The following SERPINB7 variants were observed in gnomAD, a reference collection of about 807,000 sequenced individuals.
SERPINB7 encodes the protein serpin family B member 7.
A neutral mutation model predicts 37.4 loss-of-function variants in SERPINB7; 31 were observed. The ratio of observed to expected loss-of-function variants is 0.83; its 90% CI spans 0.62 to 1.12. The LOEUF (loss-of-function observed/expected upper bound fraction) is 1.12. SERPINB7 is among the 50% of genes most tolerant of loss of function. The probability of loss-of-function intolerance (pLI) is 0.00; values close to 1 mark genes in which losing one functional copy is unlikely to be tolerated. For synonymous variants in SERPINB7, 163 were observed against 166.1 expected (o/e 0.98, Z 0.14); for missense variants, 521 against 455.3 (o/e 1.14, Z -1.31).
At chr18:63,755,252 C>T (rs115461676) in intron 1 of SERPINB7, among the ~76,000 whole-genome samples, 140 of 152,176 alleles carry the variant, frequency 9.2e-4, no homozygotes, top group African/African-American at 3.2e-3. Context: ...TAGTTAGAGG[C>T]CTTTACTTTC....
intron 1 of SERPINB7, among the ~76,000 whole-genome samples, chr18:63,760,511 G>A (rs1043415424): frequency 1.3e-5 from 2 of 152,200 alleles, no homozygotes; most frequent in Non-Finnish European, 2.9e-5. Flanking sequence ...AAGTAGCAAG[G>A]AGCCTAATGT....
At chr18:63,753,497 C>G (rs2049103788) in intron 1 of SERPINB7, among the ~76,000 whole-genome samples, 1 of 152,206 alleles carries the variant, frequency 6.6e-6, no homozygotes, top group Non-Finnish European at 1.5e-5. Flanking sequence ...CATACACCAA[C>G]TATATCTACT....
At chr18:63,803,749 C>G (rs1037454128) in intron 7 of SERPINB7, among the ~76,000 whole-genome samples, 2 of 152,198 alleles carry the variant, frequency 1.3e-5, no homozygotes, top group Non-Finnish European at 2.9e-5. Flanking sequence ...TCACCCAAAC[C>G]TTTGAGGCTG....
At chr18:63,762,849 G>T (rs1453947913) in intron 1 of SERPINB7, among the ~76,000 whole-genome samples, 6 of 152,086 alleles carry the variant, frequency 3.9e-5, no homozygotes, top group African/African-American at 1.2e-4. Context: ...ACCACTATTT[G>T]ATCATAAAAC....
At chr18:63,758,067 C>G (rs1378784479) in intron 1 of SERPINB7, among the ~76,000 whole-genome samples, 4 of 152,132 alleles carry the variant, frequency 2.6e-5, no homozygotes, top group African/African-American at 9.7e-5. Flanking sequence ...CTCTCTGTGT[C>G]TCTCTCTCTA....
Position 63,785,910 on chromosome 18 carries a change from T to TAC in SERPINB7, c.168+3374_168+3375dup, listed in dbSNP as rs200164401. The stretch of plus-strand genomic sequence containing the variant: ...TATATATATATAATATACGTATATA[T>TAC]ACACATATATAATATACGTATATAT... On this transcript the variant is annotated intron_variant, in intron 2 of 7. Coordinates refer to ENST00000398019, the MANE Select transcript of SERPINB7 (RefSeq NM_003784.4). Among the ~76,000 whole-genome samples the TAC allele has an allele frequency of 1.6e-3, 165 of 100,560 alleles. 1 individual carries two copies. The highest frequency in any genetic ancestry group is 8.5e-3 in the African/African-American group (155 of 18,286). 66.0% of individuals were successfully genotyped at this position (100,560 alleles called of 152,430 possible). A position where few individuals can be genotyped will look rare whatever the true frequency, so the allele number is the denominator to read the frequency against.
intron 7 of SERPINB7, among the ~76,000 whole-genome samples, chr18:63,801,902 A>G (rs2049553679): frequency 6.6e-6 from 1 of 152,196 alleles, no homozygotes; most frequent in South Asian, 2.1e-4. Flanking sequence ...AATGTTTACT[A>G]TCTCTACATC....
chr18:63,770,884 CA>C (rs1259286636), upstream of SERPINB7, among the ~76,000 whole-genome samples: 4 of 151,440 alleles, frequency 2.6e-5, no homozygotes, highest in African/African-American at 9.7e-5. Context: ...CACACACACA[CA>C]CACACACACA....
chr18:63,782,188 G>A (rs1049906890), intron 1 of SERPINB7, among the ~76,000 whole-genome samples, 167 bp from the exon 2 acceptor site: 1 of 151,966 alleles, frequency 6.6e-6, no homozygotes, highest in African/African-American at 2.4e-5. Context: ...TAGTGACAAG[G>A]ATACTGGGCC....
chr18:63,757,528 G>A lies in SERPINB7; in HGVS notation c.-19+4408G>A, dbSNP rs200055627. Among the ~76,000 whole-genome samples the A allele has an allele frequency of 3.9e-5, 6 of 152,138 alleles. No individual in the cohort carries two copies. In the East Asian group the frequency reaches 1.2e-3, roughly 29 times the overall value. Reference sequence around the variant, plus strand: ...TTTAGGGTAGGGGTTGGCAAACTCTGGTCATTGGTCCAAAACTGGCTGGAC... The same window carrying A: ...TTTAGGGTAGGGGTTGGCAAACTCTAGTCATTGGTCCAAAACTGGCTGGAC... On this transcript the variant is annotated intron_variant, in intron 1 of 7. Coordinates refer to the SERPINB7 transcript ENST00000336429.
At chr18:63,793,064 T>C (rs2049445896) in intron 3 of SERPINB7, 97 bp from the exon 4 acceptor site, 2 of 551,376 alleles carry the variant, frequency 3.6e-6, no homozygotes, top group South Asian at 3.7e-5. Flanking sequence ...AAAAATTCTT[T>C]TATGGTATAA....
chr18:63,790,430 A>G (rs1390016225), intron 2 of SERPINB7, among the ~76,000 whole-genome samples: 1 of 152,174 alleles, frequency 6.6e-6, no homozygotes, highest in African/African-American at 2.4e-5. Context: ...GTTATTCTGT[A>G]TATACACTGC....
intron 1 of SERPINB7, among the ~76,000 whole-genome samples, chr18:63,766,468 C>A (rs181945229): frequency 1.1e-4 from 17 of 152,182 alleles, no homozygotes; most frequent in African/African-American, 4.1e-4. Context: ...GGTAAGCATT[C>A]AATAAATTGT....
At chr18:63,756,450 C>T (rs985352248) in intron 1 of SERPINB7, among the ~76,000 whole-genome samples, 6 of 152,162 alleles carry the variant, frequency 3.9e-5, no homozygotes, top group Admixed American at 2.0e-4. Flanking sequence ...GTTCCAGACT[C>T]ATGTGCAGGA....
upstream of SERPINB7, among the ~76,000 whole-genome samples, chr18:63,772,273 TA>T (rs1462450805): frequency 1.3e-5 from 2 of 152,074 alleles, no homozygotes; most frequent in Non-Finnish European, 2.9e-5. Flanking sequence ...GATATATATT[TA>T]CTTTCAAGGC....
chr18:63,775,724 C>T lies in SERPINB7; in HGVS notation c.-19+8C>T, dbSNP rs569156981. 8.1e-4 allele frequency: 123 copies of T among 152,236 alleles called. No homozygotes were observed. The highest frequency in any genetic ancestry group is 2.8e-3 in the African/African-American group (118 of 41,552). 9.4% of individuals were successfully genotyped at this position (152,236 alleles called of 1,614,324 possible). ...TGGGTATCAGATGCTAGCGTGAGTA[C>T]ACTGTTGATTTGCTTATCCAATTAT... On this transcript the variant is annotated splice_region_variant and intron_variant, in intron 1 of 7. Transcript: ENST00000398019.
chr18:63,802,399 C>A (rs2049559424), intron 7 of SERPINB7, among the ~76,000 whole-genome samples: 1 of 152,186 alleles, frequency 6.6e-6, no homozygotes, highest in South Asian at 2.1e-4. Context: ...CATCTCCCTT[C>A]TCTATTCTCT....
At chr18:63,795,760 T>G (rs192055934) in intron 4 of SERPINB7, among the ~76,000 whole-genome samples, 26 of 152,160 alleles carry the variant, frequency 1.7e-4, no homozygotes, top group African/African-American at 6.0e-4. Flanking sequence ...ACATGGCATT[T>G]TTGAGCAACT....
chr18:63,772,122 G>A (rs1324663538), upstream of SERPINB7, among the ~76,000 whole-genome samples: 2 of 151,976 alleles, frequency 1.3e-5, no homozygotes, highest in African/African-American at 2.4e-5. Flanking sequence ...AGGATCAACT[G>A]CTTCTTATTT....
Sources: allele counts gnomAD v4.1 joint callset (sites outside exome capture counted in the v4.1 genomes callset), GRCh38; gene constraint gnomAD v4.1.1; transcripts MANE v1.5; gene names NCBI Gene and HGNC (gene_info 2026-07-23, HGNC 2026-07-21).